ADAM32: variants seen among roughly 807,000 people sequenced by gnomAD.
The protein encoded by ADAM32 is ADAM metallopeptidase domain 32, also known as disintegrin and metalloproteinase domain-containing protein 32.
A neutral mutation model predicts 114.9 loss-of-function variants in ADAM32; 89 were observed. That is an observed-to-expected ratio of 0.77 (90% confidence interval 0.65 to 0.92). The LOEUF (loss-of-function observed/expected upper bound fraction) is 0.92. Ranked by LOEUF, ADAM32 falls within the 40% of genes least tolerant of loss-of-function variation. The pLI is 0.00. For missense variants in ADAM32, 870 were observed against 932.8 expected, an observed-to-expected ratio of 0.93 and a Z score of 0.88; for synonymous variants, 285 against 307.5, an observed-to-expected ratio of 0.93 and a Z score of 0.77.
intron 2 of ADAM32, among the ~76,000 whole-genome samples, chr8:39,121,191 T>C (rs1588469575): frequency 6.6e-6 from 1 of 152,170 alleles, no homozygotes; most frequent in Non-Finnish European, 1.5e-5. Context: ...ATCCGCCATG[T>C]CAAGTGAAGC....
Position 39,188,128 on chromosome 8 carries a change from G to A in ADAM32, c.1052+1083G>A, listed in dbSNP as rs559965294. On this transcript the variant is annotated intron_variant, in intron 11 of 24. Coordinates refer to ENST00000379907, the MANE Select transcript of ADAM32 (RefSeq NM_145004.7). ...GGGTACTCCTAAGCACCTTTTAAGGGTTAACTCTTATGTTCTAAAAACAAC... is the reference window on the plus strand; with the variant it reads ...GGGTACTCCTAAGCACCTTTTAAGGATTAACTCTTATGTTCTAAAAACAAC... 2.1e-3 allele frequency among the ~76,000 whole-genome samples: 321 copies of A among 152,120 alleles called. 3 individuals are homozygous for A. The highest frequency in any genetic ancestry group is 3.4e-3 in the Non-Finnish European group (232 of 67,976).
chr8:39,153,746 A>G (rs1321138254), intron 6 of ADAM32, among the ~76,000 whole-genome samples: 1 of 152,058 alleles, frequency 6.6e-6, no homozygotes, highest in Non-Finnish European at 1.5e-5. Flanking sequence ...TCCTGGGAGA[A>G]CTTTATTAGT....
intron 16 of ADAM32, among the ~76,000 whole-genome samples, chr8:39,240,672 G>T (rs1321991719): frequency 6.6e-6 from 1 of 152,168 alleles, no homozygotes; most frequent in Non-Finnish European, 1.5e-5. Flanking sequence ...CAGGAGAAGA[G>T]AGCTTGTGCA....
At chr8:39,241,188 A>T (rs1564667133) in intron 16 of ADAM32, among the ~76,000 whole-genome samples, 1 of 152,196 alleles carries the variant, frequency 6.6e-6, no homozygotes, top group Non-Finnish European at 1.5e-5. Flanking sequence ...CTGATGCAAG[A>T]GGTGGGCTCC....
chr8:39,179,387 C>T (rs1364815979), intron 10 of ADAM32, among the ~76,000 whole-genome samples: 1 of 152,204 alleles, frequency 6.6e-6, no homozygotes, highest in African/African-American at 2.4e-5. Context: ...GGAAGTCGGG[C>T]CTGCAGAACA....
chr8:39,195,557 C>T (rs567442608), intron 11 of ADAM32, among the ~76,000 whole-genome samples: 56 of 152,270 alleles, frequency 3.7e-4, no homozygotes, highest in Non-Finnish European at 6.0e-4. Flanking sequence ...TTTACAGTTT[C>T]CGGCCTTATG....
chr8:39,242,114 A>G (rs778401820), intron 16 of ADAM32, among the ~76,000 whole-genome samples: 10 of 152,172 alleles, frequency 6.6e-5, no homozygotes, highest in Non-Finnish European at 1.3e-4. Flanking sequence ...ACATAGTAAG[A>G]GCCACATTTG....
At chr8:39,283,043 T>C (rs1407273965) in intron 23 of ADAM32, among the ~76,000 whole-genome samples, 2 of 152,296 alleles carry the variant, frequency 1.3e-5, no homozygotes, top group East Asian at 1.9e-4. Context: ...TTGTCTTCAG[T>C]TCATTCTTTT....
intron 11 of ADAM32, among the ~76,000 whole-genome samples, chr8:39,202,484 C>T (rs1428617114): frequency 6.6e-6 from 1 of 152,090 alleles, no homozygotes; most frequent in African/African-American, 2.4e-5. Flanking sequence ...TCCCCTTTAT[C>T]ATTTTTTATT....
At chr8:39,159,384 C>G (rs975883762) in intron 6 of ADAM32, among the ~76,000 whole-genome samples, 1 of 152,174 alleles carries the variant, frequency 6.6e-6, no homozygotes, top group Non-Finnish European at 1.5e-5. Flanking sequence ...ATGTTGACAA[C>G]TCACCCTTAG....
At chr8:39,145,950 C>T (rs954459197) in intron 3 of ADAM32, among the ~76,000 whole-genome samples, 4 of 151,996 alleles carry the variant, frequency 2.6e-5, no homozygotes, top group Admixed American at 2.0e-4. Context: ...AGGCTGGTCT[C>T]GAACTCCTGA....
chr8:39,189,821 G>A (rs1040400469), intron 11 of ADAM32, among the ~76,000 whole-genome samples: 1 of 151,164 alleles, frequency 6.6e-6, no homozygotes, highest in African/African-American at 2.4e-5. Flanking sequence ...TTTTTGAGAT[G>A]GAGTCTCGCT....
chr8:39,240,587 C>A (rs1164930226), intron 16 of ADAM32, among the ~76,000 whole-genome samples: 3 of 152,154 alleles, frequency 2.0e-5, no homozygotes, highest in Admixed American at 1.3e-4. Flanking sequence ...GTTTAATGAA[C>A]TTAAAATTCC....
At chr8:39,190,190 T>C (rs1806517959) in intron 11 of ADAM32, among the ~76,000 whole-genome samples, 1 of 152,242 alleles carries the variant, frequency 6.6e-6, no homozygotes, top group Non-Finnish European at 1.5e-5. Flanking sequence ...ATAATGACCT[T>C]CTGTTCCATT....
chr8:39,113,691 C>T (rs1182851639), intron 1 of ADAM32, among the ~76,000 whole-genome samples: 1 of 152,134 alleles, frequency 6.6e-6, no homozygotes, highest in East Asian at 1.9e-4. Context: ...CTTACTGAAA[C>T]ATCTAGGGCA....
At chr8:39,141,658 T>C (rs1202900719) in intron 3 of ADAM32, among the ~76,000 whole-genome samples, 2 of 152,216 alleles carry the variant, frequency 1.3e-5, no homozygotes, top group Non-Finnish European at 2.9e-5. Flanking sequence ...GAGAAGAATG[T>C]ATATACTGTT....
At chr8:39,111,956 T>A (rs1296421377) in intron 1 of ADAM32, among the ~76,000 whole-genome samples, 1 of 152,164 alleles carries the variant, frequency 6.6e-6, no homozygotes, top group Non-Finnish European at 1.5e-5. Context: ...TACATCAGAA[T>A]AATCTCTGGA....
chr8:39,212,219 G>A (rs969034455), intron 12 of ADAM32, among the ~76,000 whole-genome samples: 1 of 151,860 alleles, frequency 6.6e-6, no homozygotes, highest in Non-Finnish European at 1.5e-5. Flanking sequence ...TCATCACGTT[G>A]GTCAGGCTGG....
chr8:39,141,583 AT>A (rs762201679), intron 3 of ADAM32, among the ~76,000 whole-genome samples: 1 of 152,032 alleles, frequency 6.6e-6, no homozygotes, highest in African/African-American at 2.4e-5. Context: ...GTTCTTTTAC[AT>A]TTGCTGAGGA....
Sources: allele counts gnomAD v4.1 joint callset (sites outside exome capture counted in the v4.1 genomes callset), GRCh38; gene constraint gnomAD v4.1.1; transcripts MANE v1.5; gene names NCBI Gene and HGNC (gene_info 2026-07-23, HGNC 2026-07-21).